Variants in ADGRL1 observed in about 807,000 individuals in gnomAD.
ADGRL1 encodes the protein CIRL-1.
A neutral mutation model predicts 148.9 loss-of-function variants in ADGRL1; 31 were observed. The ratio of observed to expected loss-of-function variants is 0.21; its 90% CI spans 0.16 to 0.28. The LOEUF is 0.28. ADGRL1 is among the 10% of genes least tolerant of loss of function. ADGRL1 has a pLI of 1.00. For synonymous variants in ADGRL1, 937 were observed against 900.3 expected (o/e 1.04, Z -0.73); for missense variants, 1,521 against 2,058.8 (o/e 0.74, Z 5.05).
chr19:14,184,055 C>T (rs540875467), intron 1 of ADGRL1, among the ~76,000 whole-genome samples: 88 of 152,308 alleles, frequency 5.8e-4, no homozygotes, highest in Non-Finnish European at 1.2e-3. Flanking sequence ...GCATCCTCAC[C>T]ATGAGCAAGG....
Position 14,161,855 on chromosome 19 carries a change from G to T in ADGRL1, c.1196-229C>A, listed in dbSNP as rs902937614. Among the ~76,000 whole-genome samples the T allele has an allele frequency of 6.6e-6, 1 of 152,142 alleles. No individual in the cohort carries two copies. Among genetic ancestry groups the T allele is most frequent in the African/African-American group, 2.4e-5 (1 of 41,412 alleles). On this transcript the variant is annotated intron_variant, in intron 5 of 22. Transcript: ENST00000361434. This position sits in a 1 kb window ranked among gnomAD's most constrained non-coding sequence, Gnocchi z 4.4. ...GTAGCAAAGAGTGGTAAAAATCCACGATGTGTACCATAAGGTCTGAGAGAA... is the reference window on the plus strand; with the variant it reads ...GTAGCAAAGAGTGGTAAAAATCCACTATGTGTACCATAAGGTCTGAGAGAA...
intron 3 of ADGRL1, chr19:14,171,032 A>C: frequency 2.2e-6 from 1 of 461,288 alleles, no homozygotes; most frequent in Admixed American, 3.5e-5. Flanking sequence ...GCAGTTTCTA[A>C]TGAATGGTTT....
At position 14,157,903 on chromosome 19, in the gene ADGRL1, C is replaced by A. The variant is rs1171228706; in HGVS notation, c.2514G>T (p.Val838=). The part of the protein sequence containing the change: ...CACSHLTNFA[V]LMAHREIYQG... ...TTACGATCTCACGGTGAGCCATGAGCACAGCGAAGTTGGTGAGGTGGCTGC... is the reference window on the plus strand; with the variant it reads ...TTACGATCTCACGGTGAGCCATGAGAACAGCGAAGTTGGTGAGGTGGCTGC... Residue 838 remains valine, a synonymous_variant, in exon 13 of 23, where the codon GTG becomes GTT. Coordinates refer to ENST00000361434, the MANE Select transcript of ADGRL1 (RefSeq NM_014921.5). The surrounding 1 kb of genome is among the most constrained non-coding windows in gnomAD (Gnocchi z 7.5). 1 of 1,614,126 alleles carries A rather than the reference C, an allele frequency of 6.2e-7. No individual in the cohort carries two copies. The highest frequency in any genetic ancestry group is 8.5e-7 in the Non-Finnish European group (1 of 1,180,000).
chr19:14,162,044 C>T lies in ADGRL1; in HGVS notation c.1196-418G>A. Among the ~76,000 whole-genome samples the T allele has an allele frequency of 6.6e-6, 1 of 152,174 alleles. No homozygotes were observed. The highest frequency in any genetic ancestry group is 2.1e-4 in the South Asian group (1 of 4,824). Reference sequence around the variant, plus strand: ...TTCTAGCTGACTTTGGCTTATGTAACCTGGCTATGCTCCTTCCTTCTGGGG... The same window carrying T: ...TTCTAGCTGACTTTGGCTTATGTAATCTGGCTATGCTCCTTCCTTCTGGGG... On this transcript the variant is annotated intron_variant, in intron 5 of 22. Transcript: ENST00000361434. The surrounding 1 kb of genome is among the most constrained non-coding windows in gnomAD (Gnocchi z 5.4).
At chr19:14,184,275 C>G (rs1371652695) in intron 1 of ADGRL1, among the ~76,000 whole-genome samples, 1 of 152,142 alleles carries the variant, frequency 6.6e-6, no homozygotes, top group Non-Finnish European at 1.5e-5. Flanking sequence ...TCAGGGTAAG[C>G]TGGAGACAGG....
chr19:14,158,307 C>A, intron 12 of ADGRL1, 31 bp downstream of exon 12: 1 of 1,605,892 alleles, frequency 6.2e-7, no homozygotes, highest in Non-Finnish European at 8.5e-7. Flanking sequence ...TACAGGGACC[C>A]CCATGGAGGG....
intron 2 of ADGRL1, among the ~76,000 whole-genome samples, chr19:14,180,286 C>T (rs7507995): frequency 0.36 from 54,851 of 151,796 alleles, 10,213 homozygotes; most frequent in African/African-American, 0.45. Flanking sequence ...GACAGAGTCT[C>T]GCTCTGTCAC....
chr19:14,182,422 G>A (rs1320598976), intron 2 of ADGRL1, among the ~76,000 whole-genome samples: 1 of 152,152 alleles, frequency 6.6e-6, no homozygotes, highest in Non-Finnish European at 1.5e-5. Context: ...ACCGTCGCTT[G>A]TAGGTGAAGG....
intron 2 of ADGRL1, among the ~76,000 whole-genome samples, chr19:14,178,801 C>T (rs79021731): frequency 0.016 from 2,392 of 152,204 alleles, 56 homozygotes; most frequent in African/African-American, 0.055. Flanking sequence ...CCTGAGTCCT[C>T]GCACCTGGCT....
chr19:14,170,548 G>C (rs1482585962), intron 4 of ADGRL1, 134 bp downstream of exon 4: 2 of 604,218 alleles, frequency 3.3e-6, no homozygotes, highest in East Asian at 2.9e-5. Context: ...GTGTGTTGGA[G>C]AGAGCAGGCC....
chr19:14,157,006 T>C lies in ADGRL1; in HGVS notation c.2885A>G (p.Tyr962Cys). The C allele has an allele frequency of 6.2e-7, 1 of 1,613,758 alleles. No individual in the cohort carries two copies. The highest frequency in any genetic ancestry group is 8.5e-7 in the Non-Finnish European group (1 of 1,179,934). The part of the protein sequence containing the change: ...ESEYSRTKYY[Y>C]LGGYCFPALV... ...GGCCGGGAAGCAGTAGCCACCCAGG[T>C]AGTAGTACTTGGTGCGGGAATACTC... is the stretch of plus-strand genomic sequence containing the variant. Residue 962 changes from tyrosine (Y) to cysteine (C), a missense_variant, in exon 15 of 23, where the codon TAC becomes TGC. By Grantham distance (194) the Tyr-to-Cys change is radical. Transcript: ENST00000361434. This position sits in a 1 kb window ranked among gnomAD's most constrained non-coding sequence, Gnocchi z 7.5.
In ADGRL1 at chr19:14,158,037, T is replaced by C. The variant is rs979824932; in HGVS notation, c.2380A>G (p.Asn794Asp). The change falls in exon 13 of 23, where the codon AAT (asparagine) becomes GAT (aspartate). Residue 794 changes from asparagine to aspartate, a missense_variant. Asn to Asp is a conservative substitution (Grantham distance 23). Coordinates refer to ENST00000361434, the MANE Select transcript of ADGRL1 (RefSeq NM_014921.5). ...TAGTTCCAGAAGGAGCAGTTAGCATTGAAGTGGTTCTTGTCCTGTTGTGTG... is the reference window on the plus strand; with the variant it reads ...TAGTTCCAGAAGGAGCAGTTAGCATCGAAGTGGTTCTTGTCCTGTTGTGTG... ...VAHLEDKNHF[N>D]ANCSFWNYSE... is the part of the protein sequence containing the mutation. The C allele has an allele frequency of 6.2e-7, 1 of 1,614,102 alleles. No homozygotes were observed. The highest frequency in any genetic ancestry group is 8.5e-7 in the Non-Finnish European group (1 of 1,180,004).
chr19:14,194,937 T>C (rs1276382481), intron 1 of ADGRL1, among the ~76,000 whole-genome samples: 9 of 150,238 alleles, frequency 6.0e-5, no homozygotes, highest in Non-Finnish European at 1.5e-5. Context: ...CAGGCTGGAG[T>C]GCAATGGTGC....
Position 14,157,954 on chromosome 19 carries a change from G to C in ADGRL1, c.2463C>G (p.Ser821=), listed in dbSNP as rs1297616474. 6.2e-7 allele frequency: 1 copy of C among 1,614,224 alleles called. No individual in the cohort carries two copies. Residue 821 remains serine (S), a synonymous_variant, in exon 13 of 23, where the codon TCC becomes TCG. Coordinates refer to ENST00000361434, the MANE Select transcript of ADGRL1 (RefSeq NM_014921.5). This position sits in a 1 kb window ranked among gnomAD's most constrained non-coding sequence, Gnocchi z 7.5. ...WSTQGCRLVE[S]NKTHTTCACS... is the part of the protein sequence containing the mutation. ...AGGCACACGTGGTATGGGTCTTGTT[G>C]GACTCCACCAGGCGGCAGCCTTGGG...
In ADGRL1 at chr19:14,160,237, A is replaced by G; in HGVS notation, c.1675T>C (p.Ser559Pro). Residue 559 changes from serine (S) to proline (P), a missense_variant, in exon 8 of 23, where the codon TCC (serine) becomes CCC (proline). Physicochemically the swap from Ser to Pro is moderately conservative, Grantham distance 74. Transcript: ENST00000361434. The surrounding 1 kb of genome is among the most constrained non-coding windows in gnomAD (Gnocchi z 5.9). ...GAGGAGACGTCCCCCGCGTAGATGG[A>G]GCCCCGGGTGTGTCGGGCCAGCTCG... is the stretch of plus-strand genomic sequence containing the variant. ...ASELARHTRG[S>P]IYAGDVSSSV... is the part of the protein sequence containing the mutation. 1 of 1,599,034 alleles carries G rather than the reference A, an allele frequency of 6.3e-7. No homozygotes were observed. The highest frequency in any genetic ancestry group is 8.6e-7 in the Non-Finnish European group (1 of 1,167,788).
chr19:14,152,921 TGGA>T lies in ADGRL1; in HGVS notation c.3295-12_3295-10del. Reference sequence around the variant, plus strand: ...CTGTACTCCTTGTGCACCTGGGAGGTGGAGGACAGTCAGCTGGCTGGGACACTG... The same window carrying T: ...CTGTACTCCTTGTGCACCTGGGAGGTGGACAGTCAGCTGGCTGGGACACTG... On this transcript the variant is annotated splice_polypyrimidine_tract_variant and intron_variant, in intron 18 of 22. Transcript: ENST00000361434. This position sits in a 1 kb window ranked among gnomAD's most constrained non-coding sequence, Gnocchi z 6.1. 3 of 1,613,106 alleles carry T rather than the reference TGGA, an allele frequency of 1.9e-6. No individual in the cohort carries two copies. Among genetic ancestry groups the T allele is most frequent in the Non-Finnish European group, 2.5e-6 (3 of 1,179,672 alleles).
rs969640795 is a variant in ADGRL1 at position 14,168,562 on chromosome 19, C to T, written c.394+2120G>A. Among the ~76,000 whole-genome samples, 3 of 152,082 alleles carry T rather than the reference C, an allele frequency of 2.0e-5. No homozygotes were observed. The East Asian group carries it at 5.8e-4, about 29-fold the overall frequency. Reference sequence around the variant, plus strand: ...TCCCTGGAGCCTGCCTGGTCTCTGTCGGTTGTAGCCCCTGGACCACGCTCA... The same window carrying T: ...TCCCTGGAGCCTGCCTGGTCTCTGTTGGTTGTAGCCCCTGGACCACGCTCA... On this transcript the variant is annotated intron_variant, in intron 4 of 22. Coordinates refer to ENST00000361434, the MANE Select transcript of ADGRL1 (RefSeq NM_014921.5).
chr19:14,156,999 A>T lies in ADGRL1; in HGVS notation c.2892T>A (p.Gly964=), dbSNP rs759805051. The T allele has an allele frequency of 3.1e-6, 5 of 1,613,882 alleles. No individual in the cohort carries two copies. The Admixed American group carries it at 8.3e-5, about 27-fold the overall frequency. ...CCACCAGGGCCGGGAAGCAGTAGCC[A>T]CCCAGGTAGTAGTACTTGGTGCGGG... ...EYSRTKYYYL[G]GYCFPALVVG... Residue 964 remains glycine (G), a synonymous_variant, in exon 15 of 23, where the codon GGT becomes GGA. Coordinates refer to ENST00000361434, the MANE Select transcript of ADGRL1 (RefSeq NM_014921.5).
chr19:14,163,461 GGGAGGAGAGA>G (rs953201037), intron 4 of ADGRL1, 55 bp from the exon 5 acceptor site: 43 of 1,224,880 alleles, frequency 3.5e-5, no homozygotes, highest in Admixed American at 4.9e-5. Flanking sequence ...AGAGGCGAGA[GGGAGGAGAGA>G]GAGAGAGAGA....
Sources: gnomAD v4.1 joint callset for allele counts (sites outside exome capture counted in the v4.1 genomes callset) on GRCh38, gnomAD v4.1.1 for gene constraint, Gnocchi (gnomAD v3.1) non-coding constraint, MANE v1.5 for transcripts, NCBI Gene and HGNC (gene_info 2026-07-23, HGNC 2026-07-21) for gene names.